The following LRRC40 variants were observed in gnomAD, a reference collection of about 807,000 sequenced individuals.
LRRC40 encodes leucine rich repeat containing 40, also known as leucine-rich repeat-containing protein 40.
Under a neutral mutation model 72.8 loss-of-function variants are expected in LRRC40, and 76 were observed. The observed-to-expected ratio is 1.04, with a 90% CI of 0.87 to 1.26. The LOEUF is 1.26. LRRC40 is among the 50% of genes most tolerant of loss of function. LRRC40 has a pLI of 0.00. For missense variants in LRRC40, 684 were observed against 698.9 expected (o/e 0.98, Z 0.24); for synonymous variants, 243 against 254.2 (o/e 0.96, Z 0.42).
At chr1:70,197,954 G>C (rs1440032516) in intron 1 of LRRC40, among the ~76,000 whole-genome samples, 1 of 151,966 alleles carries the variant, frequency 6.6e-6, no homozygotes, top group Non-Finnish European at 1.5e-5. Flanking sequence ...TAGAGACGAA[G>C]TTTTGCCTTG....
At chr1:70,188,936 C>A (rs780606002) in intron 2 of LRRC40, among the ~76,000 whole-genome samples, 156 bp downstream of exon 2, 106 of 152,090 alleles carry the variant, frequency 7.0e-4, no homozygotes, top group Non-Finnish European at 1.3e-3. Context: ...GTGTTCTGAT[C>A]CTGCACTTTT....
intron 9 of LRRC40, 90 bp downstream of exon 9, chr1:70,173,375 T>C: frequency 2.2e-6 from 2 of 896,840 alleles, no homozygotes; most frequent in East Asian, 2.4e-5. Context: ...TCCAAATATG[T>C]ATACCCAAAA....
rs1168381011 is a variant in LRRC40, at chr1:70,145,097, A to AC, written c.*702dup. On this transcript the variant is annotated 3_prime_UTR_variant, in exon 15 of 15. Coordinates refer to ENST00000370952, the MANE Select transcript of LRRC40 (RefSeq NM_017768.5). ...AGAAAAACACTGCAAGTTTAGTCTT[A>AC]CCAAGATTGCAAGTAAATTTTAAAA... is the stretch of plus-strand genomic sequence containing the variant. 6.6e-6 allele frequency: 1 copy of AC among 152,198 alleles called. No homozygotes were observed. Among genetic ancestry groups the AC allele is most frequent in the African/African-American group, 2.4e-5 (1 of 41,462 alleles). 9.4% of individuals were successfully genotyped at this position (152,198 alleles called of 1,614,324 possible).
intron 9 of LRRC40, among the ~76,000 whole-genome samples, chr1:70,166,607 G>C (rs1457737895): frequency 6.6e-6 from 1 of 151,484 alleles, no homozygotes; most frequent in African/African-American, 2.4e-5. Flanking sequence ...CAGAGAACTA[G>C]TATAGTGCCA....
intron 7 of LRRC40, among the ~76,000 whole-genome samples, chr1:70,173,929 A>T (rs532706956): frequency 7.9e-5 from 12 of 152,170 alleles, no homozygotes; most frequent in South Asian, 4.1e-4. Flanking sequence ...GATTAATTTT[A>T]AAAAAGTGAG....
At chr1:70,178,575 C>G (rs1668162038) in intron 6 of LRRC40, among the ~76,000 whole-genome samples, 1 of 152,078 alleles carries the variant, frequency 6.6e-6, no homozygotes, top group South Asian at 2.1e-4. Context: ...ACAATTTTAG[C>G]CTCTTTATCT....
intron 3 of LRRC40, among the ~76,000 whole-genome samples, chr1:70,185,381 C>A (rs961533736): frequency 6.6e-6 from 1 of 152,126 alleles, no homozygotes; most frequent in Non-Finnish European, 1.5e-5. Flanking sequence ...ATACTGTTCT[C>A]GTGGTAGTGA....
In LRRC40 at chr1:70,145,534, T is replaced by C. The variant is rs1667263575; in HGVS notation, c.*266A>G. 4.3e-6 allele frequency: 1 copy of C among 235,224 alleles called. No individual in the cohort carries two copies. The highest frequency in any genetic ancestry group is 1.8e-4 in the South Asian group (1 of 5,640). The allele number at this position is 235,224 out of a possible 1,614,324, so 14.6% of individuals were successfully genotyped here. A position where few individuals can be genotyped will look rare whatever the true frequency, so the allele number is the denominator to read the frequency against. On this transcript the variant is annotated 3_prime_UTR_variant, in exon 15 of 15. Coordinates refer to ENST00000370952, the MANE Select transcript of LRRC40 (RefSeq NM_017768.5). ...AGCAGGATAAATCATAAGCAAAACA[T>C]TTAGAACAAATGTATGAACACATTG...
chr1:70,187,676 T>A (rs905272023), intron 2 of LRRC40, among the ~76,000 whole-genome samples: 26 of 147,432 alleles, frequency 1.8e-4, no homozygotes, highest in African/African-American at 4.5e-4. Context: ...AAAAAAAAAA[T>A]TCTTATTAGT....
intron 1 of LRRC40, 111 bp downstream of exon 1, chr1:70,205,279 T>C (rs1215695018): frequency 6.7e-6 from 7 of 1,040,910 alleles, no homozygotes; most frequent in Non-Finnish European, 5.5e-6. Context: ...ACAGAAATTC[T>C]GGCTAGCAGT....
intron 4 of LRRC40, among the ~76,000 whole-genome samples, chr1:70,182,675 A>G (rs1668272648): frequency 6.6e-6 from 1 of 152,080 alleles, no homozygotes; most frequent in African/African-American, 2.4e-5. Flanking sequence ...AAACATAAAT[A>G]CACTATATAA....
At chr1:70,181,652 G>A (rs1197246595) in intron 4 of LRRC40, among the ~76,000 whole-genome samples, 1 of 151,160 alleles carries the variant, frequency 6.6e-6, no homozygotes, top group Non-Finnish European at 1.5e-5. Flanking sequence ...CTGAGAAAAG[G>A]AAAAATGAAG....
intron 1 of LRRC40, among the ~76,000 whole-genome samples, chr1:70,201,211 A>G (rs1305044811): frequency 7.2e-5 from 11 of 152,156 alleles, no homozygotes; most frequent in Admixed American, 7.2e-4. Flanking sequence ...TGTAAATCAT[A>G]ATTTGAGGTA....
intron 1 of LRRC40, among the ~76,000 whole-genome samples, chr1:70,195,047 C>T (rs1668578437): frequency 6.6e-6 from 1 of 152,034 alleles, no homozygotes; most frequent in Non-Finnish European, 1.5e-5. Flanking sequence ...TACCTTGTGA[C>T]ACACTCAAAA....
chr1:70,164,698 A>G (rs974125517), intron 9 of LRRC40, among the ~76,000 whole-genome samples: 6 of 152,156 alleles, frequency 3.9e-5, no homozygotes, highest in African/African-American at 1.2e-4. Flanking sequence ...CTCTTCTTAC[A>G]AGGGTCTTTT....
intron 1 of LRRC40, among the ~76,000 whole-genome samples, chr1:70,199,170 A>G (rs1668678786): frequency 6.6e-6 from 1 of 151,586 alleles, no homozygotes. Flanking sequence ...AAATAAACTA[A>G]ATTAGATAAA....
At chr1:70,192,600 G>GTTTA (rs1668525596) in intron 1 of LRRC40, among the ~76,000 whole-genome samples, 2 of 152,122 alleles carry the variant, frequency 1.3e-5, no homozygotes, top group African/African-American at 4.8e-5. Context: ...TAAAGAAAAT[G>GTTTA]TGGTACATAT....
At chr1:70,150,697 A>T (rs1346238452) in intron 13 of LRRC40, among the ~76,000 whole-genome samples, 1 of 152,140 alleles carries the variant, frequency 6.6e-6, no homozygotes, top group Non-Finnish European at 1.5e-5. Flanking sequence ...CAGACACCCC[A>T]TATGTTCTCA....
At position 70,190,677 on chromosome 1, in the gene LRRC40, T is replaced by TAAAAAAAAAAAAAA. The variant is rs59341874; in HGVS notation, c.152-1418_152-1405dup. 1.7e-3 allele frequency among the ~76,000 whole-genome samples: 91 copies of TAAAAAAAAAAAAAA among 54,342 alleles called. 3 individuals are homozygous for TAAAAAAAAAAAAAA. The highest frequency in any genetic ancestry group is 7.2e-3 in the African/African-American group (57 of 7,906). The allele number at this position is 54,342 out of a possible 152,430, so 35.7% of individuals were successfully genotyped here. On this transcript the variant is annotated intron_variant, in intron 1 of 14. Transcript: ENST00000370952. ...GGGAAACAGAGTGAGACCCTGTCTC[T>TAAAAAAAAAAAAAA]AAAAAAAAAAAAAAAAAAACTTAAA... is the stretch of plus-strand genomic sequence containing the variant.
Sources: allele counts gnomAD v4.1 joint callset (sites outside exome capture counted in the v4.1 genomes callset), GRCh38; gene constraint gnomAD v4.1.1; transcripts MANE v1.5; gene names NCBI Gene and HGNC (gene_info 2026-07-23, HGNC 2026-07-21).